Variants in GOT1L1 observed in about 807,000 individuals in gnomAD.
The protein encoded by GOT1L1 is aspartate aminotransferase, cytoplasmic 2.
GOT1L1 carries 38 observed loss-of-function variants against 43.6 expected under a neutral mutation model. The ratio of observed to expected loss-of-function variants is 0.87; its 90% CI spans 0.67 to 1.14. GOT1L1 has a LOEUF of 1.14. GOT1L1 is among the 50% of genes most tolerant of loss of function. The pLI is 0.00. For synonymous variants in GOT1L1, 183 were observed against 187.2 expected (o/e 0.98, Z 0.18); for missense variants, 482 against 504.0 (o/e 0.96, Z 0.42).
chr8:37,939,729 G>A (rs1807876098), intron 1 of GOT1L1, among the ~76,000 whole-genome samples, 186 bp downstream of exon 1: 1 of 151,980 alleles, frequency 6.6e-6, no homozygotes, highest in South Asian at 2.1e-4. Context: ...GAGAAGGGCA[G>A]AGAGCATGGA....
chr8:37,939,491 G>A (rs1189880567), intron 1 of GOT1L1, among the ~76,000 whole-genome samples: 2 of 132,366 alleles, frequency 1.5e-5, no homozygotes, highest in Non-Finnish European at 3.2e-5. Flanking sequence ...GAGAGTTATA[G>A]GTAGATGAAG....
At chr8:37,939,491 G>T (rs1189880567) in intron 1 of GOT1L1, among the ~76,000 whole-genome samples, 3 of 132,430 alleles carry the variant, frequency 2.3e-5, no homozygotes, top group East Asian at 4.3e-4. Context: ...GAGAGTTATA[G>T]GTAGATGAAG....
intron 8 of GOT1L1, among the ~76,000 whole-genome samples, chr8:37,934,731 G>A (rs1456554473): frequency 2.0e-5 from 3 of 152,000 alleles, no homozygotes; most frequent in Non-Finnish European, 2.9e-5. Context: ...CACCATGCAC[G>A]GCTAATTTTC....
At chr8:37,937,534 G>T (rs1362677405) in intron 3 of GOT1L1, 104 bp downstream of exon 3, 4 of 1,047,560 alleles carry the variant, frequency 3.8e-6, no homozygotes, top group African/African-American at 1.6e-5. Context: ...CTGCCATTTT[G>T]CTCATGACAG....
rs370723407 is a variant in GOT1L1 at position 37,937,279 on chromosome 8, C to T, written c.517G>A (p.Glu173Lys). The T allele has an allele frequency of 5.0e-6, 8 of 1,587,672 alleles. No individual in the cohort carries two copies. The African/African-American group carries it at 9.4e-5, about 19-fold the overall frequency. ...MDPDILLNVVEQIPHGCVLVM... is the reference protein window; with the variant it reads ...MDPDILLNVVKQIPHGCVLVM... ...GTTTCTGAGCGGGGCCCCTCTACCTCCACCACATTGAGGAGTATGTCGGGG... is the reference window on the plus strand; with the variant it reads ...GTTTCTGAGCGGGGCCCCTCTACCTTCACCACATTGAGGAGTATGTCGGGG... The change falls in exon 4 of 9, where the codon GAG becomes AAG. Residue 173 changes from glutamate to lysine, a missense_variant and splice_region_variant. Transcript: ENST00000307599.
intron 3 of GOT1L1, 68 bp from the exon 4 acceptor site, chr8:37,937,454 G>T: frequency 2.6e-6 from 3 of 1,145,808 alleles, no homozygotes; most frequent in Non-Finnish European, 3.8e-6. Flanking sequence ...AGGTACTGGA[G>T]TGTGGGGCTG....
intron 1 of GOT1L1, among the ~76,000 whole-genome samples, chr8:37,939,416 GAAAAA>G (rs4058283): frequency 3.3e-4 from 7 of 21,414 alleles, no homozygotes; most frequent in African/African-American, 9.9e-4. Flanking sequence ...CCTGTCTCAA[GAAAAA>G]AAAAAAAAAA....
At chr8:37,936,338 G>A (rs1014510660) in intron 6 of GOT1L1, among the ~76,000 whole-genome samples, 2 of 151,538 alleles carry the variant, frequency 1.3e-5, no homozygotes, top group African/African-American at 2.4e-5. Context: ...TGTAGAGACC[G>A]GGTCTCGGTG....
chr8:37,936,887 A>G lies in GOT1L1; in HGVS notation c.613-17T>C, dbSNP rs1225558875. On this transcript the variant is annotated splice_polypyrimidine_tract_variant and intron_variant, in intron 5 of 8. Coordinates refer to ENST00000307599, the MANE Select transcript of GOT1L1 (RefSeq NM_152413.3). The stretch of plus-strand genomic sequence containing the variant: ...CTGCTTGCTCTGTAGGAGAAAGGAG[A>G]ACAAAAAAAGAATGAGACAGATGGA... 1 of 1,611,910 alleles carries G rather than the reference A, an allele frequency of 6.2e-7. No homozygotes were observed. The highest frequency in any genetic ancestry group is 1.7e-5 in the Admixed American group (1 of 59,966).
chr8:37,938,035 C>T lies in GOT1L1; in HGVS notation c.298-286G>A, dbSNP rs975803605. ...CAGTCTGGGTGACAGAGTGAGACTC[C>T]GTCTCAAAAAAATAATAAGTAAATA... is the stretch of plus-strand genomic sequence containing the variant. On this transcript the variant is annotated intron_variant, in intron 2 of 8. Transcript: ENST00000307599. Among the ~76,000 whole-genome samples, 12 of 149,208 alleles carry T rather than the reference C, an allele frequency of 8.0e-5. No homozygotes were observed. In the East Asian group the frequency reaches 1.6e-3, roughly 20 times the overall value.
At chr8:37,934,803 TGA>T in intron 8 of GOT1L1, among the ~76,000 whole-genome samples, 7 of 152,140 alleles carry the variant, frequency 4.6e-5, no homozygotes, top group Non-Finnish European at 1.0e-4. Context: ...CTCGAACTCC[TGA>T]CCTCAGGTGA....
chr8:37,935,358 G>T, intron 7 of GOT1L1, 143 bp from the exon 8 acceptor site: 5 of 905,074 alleles, frequency 5.5e-6, no homozygotes, highest in Non-Finnish European at 6.5e-6. Flanking sequence ...TGGGAGGGAG[G>T]TTTGATCTCA....
In GOT1L1 at chr8:37,935,756, C is replaced by A; in HGVS notation, c.877G>T (p.Gly293Cys). 6.2e-7 allele frequency: 1 copy of A among 1,611,348 alleles called. No homozygotes were observed. The highest frequency in any genetic ancestry group is 8.5e-7 in the Non-Finnish European group (1 of 1,178,754). Residue 293 changes from glycine to cysteine, a missense_variant, in exon 7 of 9, where the codon GGT becomes TGT. Coordinates refer to ENST00000307599, the MANE Select transcript of GOT1L1 (RefSeq NM_152413.3). ...QALWLNPPNT[G>C]ARVITSILCN... ...AGGATGGAGGTGATGACACGTGCAC[C>A]CGTGTTGGGGGGGTTTAGCCACAGG...
intron 6 of GOT1L1, 131 bp from the exon 7 acceptor site, chr8:37,936,000 G>T: frequency 1.0e-6 from 1 of 979,048 alleles, no homozygotes; most frequent in Non-Finnish European, 1.5e-6. Flanking sequence ...CCCAGCCAGG[G>T]TGATATTCAG....
chr8:37,935,651 T>C (rs1006091067), intron 7 of GOT1L1, 53 bp downstream of exon 7: 17 of 1,467,672 alleles, frequency 1.2e-5, no homozygotes, highest in Non-Finnish European at 1.5e-5. Context: ...TCAGCAGGTC[T>C]GCAGGCACCC....
intron 3 of GOT1L1, 41 bp from the exon 4 acceptor site, chr8:37,937,427 CAGAG>C (rs1472476067): frequency 5.2e-6 from 7 of 1,358,572 alleles, no homozygotes; most frequent in East Asian, 2.3e-5. Context: ...ACATGGGAAA[CAGAG>C]AGACGGAGAC....
At chr8:37,936,190 A>G (rs561753042) in intron 6 of GOT1L1, among the ~76,000 whole-genome samples, 2 of 152,036 alleles carry the variant, frequency 1.3e-5, no homozygotes, top group African/African-American at 4.8e-5. Flanking sequence ...TCTGTTGCCC[A>G]GGCTAGAGTG....
chr8:37,936,091 G>T (rs1347421269), intron 6 of GOT1L1, among the ~76,000 whole-genome samples: 1 of 152,170 alleles, frequency 6.6e-6, no homozygotes, highest in East Asian at 1.9e-4. Context: ...GAATTTGAAA[G>T]ATCACTAAGT....
rs573841612 is a variant in GOT1L1, at chr8:37,936,861, T to C, written c.622A>G (p.Ile208Val). 1.9e-6 allele frequency: 3 copies of C among 1,610,750 alleles called. No homozygotes were observed. Among genetic ancestry groups the C allele is most frequent in the Middle Eastern group, 1.7e-4 (1 of 6,044 alleles). The part of the protein sequence containing the change: ...KLMSMIKSKQ[I>V]FPFFDIPCQG... ...CAGGGAATATCAAAAAATGGGAATA[T>C]CTGCTTGCTCTGTAGGAGAAAGGAG... The change falls in exon 6 of 9, where the codon ATA (isoleucine) becomes GTA (valine). Residue 208 changes from isoleucine (I) to valine (V), a missense_variant. By Grantham distance (29) the Ile-to-Val change is conservative (BLOSUM62 3). Coordinates refer to ENST00000307599, the MANE Select transcript of GOT1L1 (RefSeq NM_152413.3).
Sources: allele counts gnomAD v4.1 joint callset (sites outside exome capture counted in the v4.1 genomes callset), GRCh38; gene constraint gnomAD v4.1.1; transcripts MANE v1.5; gene names NCBI Gene and HGNC (gene_info 2026-07-23, HGNC 2026-07-21).